Variants in RIN2 observed in about 807,000 individuals in gnomAD.
RIN2 encodes the protein RAB5 interacting protein 2.
Under a neutral mutation model 78.0 loss-of-function variants are expected in RIN2, and 36 were observed. That is an observed-to-expected ratio of 0.46 (90% CI 0.35 to 0.61). The LOEUF (loss-of-function observed/expected upper bound fraction) is 0.61, where lower values mean the gene tolerates loss of function less well. Among genes scored for constraint, RIN2 ranks in the 20% least tolerant of loss-of-function variants. The pLI, the probability that RIN2 is intolerant of heterozygous loss-of-function variation, is 0.00. For missense variants in RIN2, 1,087 were observed against 1,159.7 expected (o/e 0.94, Z 0.91); for synonymous variants, 466 against 466.8 (o/e 1.00, Z 0.02).
At chr20:19,827,482 TTC>T (rs1259213370) in intron 2 of RIN2, among the ~76,000 whole-genome samples, 3 of 152,202 alleles carry the variant, frequency 2.0e-5, no homozygotes, top group African/African-American at 7.2e-5. Context: ...GTCTACTGCC[TTC>T]TCTGTTTTTG....
chr20:19,840,202 G>A (rs2036540096), intron 2 of RIN2, among the ~76,000 whole-genome samples: 1 of 152,182 alleles, frequency 6.6e-6, no homozygotes, highest in African/African-American at 2.4e-5. Flanking sequence ...ACAGAAACTT[G>A]GAGAGAACAT....
At chr20:19,820,652 G>A (rs186256590) in intron 2 of RIN2, among the ~76,000 whole-genome samples, 125 of 152,240 alleles carry the variant, frequency 8.2e-4, no homozygotes, top group African/African-American at 3.0e-3. Context: ...TCCAGGCCAG[G>A]CCAGTCTTCC....
chr20:19,954,664 A>C (rs1190557955), intron 4 of RIN2, among the ~76,000 whole-genome samples: 3 of 152,032 alleles, frequency 2.0e-5, no homozygotes, highest in Admixed American at 2.0e-4. Context: ...AGGGCTTGGC[A>C]CACAACAGCC....
intron 1 of RIN2, among the ~76,000 whole-genome samples, chr20:19,763,045 G>A (rs1008528698): frequency 5.3e-5 from 8 of 152,100 alleles, no homozygotes; most frequent in Non-Finnish European, 1.2e-4. Flanking sequence ...AATTACAGGC[G>A]TGTGCCACCA....
chr20:19,965,112 G>C, intron 7 of RIN2, 88 bp downstream of exon 7: 1 of 1,052,450 alleles, frequency 9.5e-7, no homozygotes, highest in Non-Finnish European at 1.5e-6. Context: ...GATCTAGGAG[G>C]CTGGCCACCT....
Position 19,975,676 on chromosome 20 carries a change from A to G in RIN2, c.1651A>G (p.Thr551Ala), listed in dbSNP as rs1312818250. 1 of 1,613,546 alleles carries G rather than the reference A, an allele frequency of 6.2e-7. No individual in the cohort carries two copies. Among genetic ancestry groups the G allele is most frequent in the Non-Finnish European group, 8.5e-7 (1 of 1,179,888 alleles). Residue 551 changes from threonine (T) to alanine (A), a missense_variant, in exon 9 of 13, where the codon ACC becomes GCC. Physicochemically the swap from Thr to Ala is moderately conservative, Grantham distance 58 (BLOSUM62 0). This residue lies in a region of RIN2 where 5 missense variants were observed against 22.8 expected (regional missense o/e 0.22). Coordinates refer to ENST00000255006, the MANE Select transcript of RIN2 (RefSeq NM_018993.4). This position sits in a 1 kb window ranked among gnomAD's most constrained non-coding sequence, Gnocchi z 4.9. Reference protein sequence around the residue: ...QENKECHVSSTDMLQTIRQFM... With the variant: ...QENKECHVSSADMLQTIRQFM... The stretch of plus-strand genomic sequence containing the variant: ...GAACAAGGAGTGCCACGTGTCCAGC[A>G]CCGACATGCTGCAGACCATCCGGCA...
chr20:19,842,594 C>T (rs750261873), intron 2 of RIN2, among the ~76,000 whole-genome samples: 5 of 151,706 alleles, frequency 3.3e-5, no homozygotes, highest in Non-Finnish European at 5.9e-5. Context: ...ACTGTTGAGA[C>T]CTACTGCTTA....
At chr20:19,853,727 G>C (rs2037068521) in intron 2 of RIN2, among the ~76,000 whole-genome samples, 1 of 151,948 alleles carries the variant, frequency 6.6e-6, no homozygotes, top group Non-Finnish European at 1.5e-5. Flanking sequence ...TTGTGATGGG[G>C]TTGTTTTTTT....
intron 4 of RIN2, among the ~76,000 whole-genome samples, chr20:19,942,109 C>CA (rs755899342): frequency 0.034 from 2,313 of 68,238 alleles, 28 homozygotes; most frequent in South Asian, 0.056. Context: ...GACTCTATCT[C>CA]AAAAAAAAAA....
At chr20:19,888,921 A>G (rs1600704813) in intron 2 of RIN2, among the ~76,000 whole-genome samples, 1 of 152,202 alleles carries the variant, frequency 6.6e-6, no homozygotes, top group Admixed American at 6.5e-5. Flanking sequence ...CTGTGTTGTT[A>G]CCCTGCCTCT....
chr20:19,957,843 C>T lies in RIN2; in HGVS notation c.351+1036C>T, dbSNP rs566074370. On this transcript the variant is annotated intron_variant, in intron 5 of 12. Transcript: ENST00000255006. ...GTGCTCTCTGGCCTCGGCTGGCTGC[C>T]ATATTAGATGGTGCAAAATTTGGAA... Among the ~76,000 whole-genome samples, 18 of 152,302 alleles carry T rather than the reference C, an allele frequency of 1.2e-4. 1 individual carries two copies. The South Asian group carries it at 3.7e-3, about 32-fold the overall frequency.
intron 2 of RIN2, among the ~76,000 whole-genome samples, chr20:19,808,021 C>A (rs187453106): frequency 1.3e-5 from 2 of 152,148 alleles, no homozygotes; most frequent in Admixed American, 6.5e-5. Context: ...AGAAGGTCTG[C>A]GGAAGAAACC....
intron 2 of RIN2, among the ~76,000 whole-genome samples, chr20:19,830,035 T>C (rs2036205546): frequency 6.6e-6 from 1 of 152,108 alleles, no homozygotes; most frequent in Non-Finnish European, 1.5e-5. Flanking sequence ...AAGACAGAAA[T>C]TATCCTGAAC....
chr20:19,894,745 A>T (rs57187733), intron 3 of RIN2, among the ~76,000 whole-genome samples: 2,856 of 152,134 alleles, frequency 0.019, 85 homozygotes, highest in African/African-American at 0.064. Flanking sequence ...TATCCTCCCC[A>T]TCCAGTTTAG....
rs138469488 is a variant in RIN2 at position 19,970,809 on chromosome 20, A to G, written c.537-29A>G. 894 of 1,535,752 alleles carry G rather than the reference A, an allele frequency of 5.8e-4. 3 individuals carry two copies. In the Middle Eastern group the frequency reaches 0.011, roughly 19 times the overall value. On this transcript the variant is annotated intron_variant, in intron 7 of 12. Transcript: ENST00000255006. Reference sequence around the variant, plus strand: ...AGATAGAAAGCAGACATGTAATTACAAACATTCTCTCTTTTTCTGAACAAT... The same window carrying G: ...AGATAGAAAGCAGACATGTAATTACGAACATTCTCTCTTTTTCTGAACAAT...
chr20:19,889,243 G>T, intron 2 of RIN2: 4 of 1,022,894 alleles, frequency 3.9e-6, no homozygotes, highest in Non-Finnish European at 4.7e-6. Context: ...GCAGATGATG[G>T]GGACATCTAA....
chr20:19,877,924 G>A (rs928225251), intron 2 of RIN2, among the ~76,000 whole-genome samples: 1 of 152,294 alleles, frequency 6.6e-6, no homozygotes, highest in South Asian at 2.1e-4. Flanking sequence ...AGAGGCTGTG[G>A]TGGGAGTATC....
At chr20:19,862,619 A>G (rs974094233) in intron 2 of RIN2, among the ~76,000 whole-genome samples, 1 of 149,432 alleles carries the variant, frequency 6.7e-6, no homozygotes, top group African/African-American at 2.6e-5. Context: ...CAAACAAACA[A>G]ACAAGCAAAA....
At chr20:19,858,008 A>G (rs138473014) in intron 2 of RIN2, among the ~76,000 whole-genome samples, 4 of 152,238 alleles carry the variant, frequency 2.6e-5, no homozygotes, top group East Asian at 3.9e-4. Flanking sequence ...GTGCATTTCA[A>G]ATATCTTCTC....
Sources: gnomAD v4.1 joint callset for allele counts (sites outside exome capture counted in the v4.1 genomes callset) on GRCh38, gnomAD v4.1.1 for gene constraint, gnomAD v4.1.1 regional missense constraint, Gnocchi (gnomAD v3.1) non-coding constraint, MANE v1.5 for transcripts, NCBI Gene and HGNC (gene_info 2026-07-23, HGNC 2026-07-21) for gene names.